CFAP47: variants seen among roughly 807,000 people sequenced by gnomAD.
CFAP47 encodes the protein cilia- and flagella-associated protein 47.
CFAP47 carries 29 observed loss-of-function variants against 148.1 expected under a neutral mutation model. The ratio of observed to expected loss-of-function variants is 0.20; its 90% confidence interval spans 0.15 to 0.27. CFAP47 has a LOEUF of 0.27. CFAP47 is among the 10% of genes least tolerant of loss of function. The pLI, the probability that CFAP47 is intolerant of heterozygous loss-of-function variation, is 1.00. For synonymous variants in CFAP47, 664 were observed against 577.3 expected (o/e 1.15, Z -2.15); for missense variants, 1,872 against 1,697.5 (o/e 1.10, Z -1.81).
chrX:36,286,364 G>T (rs1434761741), intron 51 of CFAP47, among the ~76,000 whole-genome samples: 6 of 108,763 alleles, frequency 5.5e-5, no homozygotes, highest in African/African-American at 1.3e-4. Flanking sequence ...TAAATATGTG[G>T]ATAGATTTCT....
intron 50 of CFAP47, 95 bp from the exon 51 acceptor site, chrX:36,285,534 G>A (rs942145463): frequency 4.7e-6 from 2 of 427,644 alleles, no homozygotes; most frequent in Middle Eastern, 4.9e-4. Context: ...TAAACAAAAA[G>A]GTTGAAAATG....
chrX:35,970,784 G>C lies in CFAP47; in HGVS notation c.1831G>C (p.Val611Leu). The change falls in exon 11 of 64, where the codon GTT (valine) becomes CTT (leucine). Residue 611 changes from valine (V) to leucine (L), a missense_variant. Transcript: ENST00000378653. The part of the protein sequence containing the change: ...HKHFRPIFTK[V>L]PRFNYVNHDF... ...ATATTGCAGGCCAATTTTCACAAAA[G>C]TTCCAAGATTTAACTATGTGAATCA... The C allele has an allele frequency of 8.5e-7, 1 of 1,170,350 alleles. No homozygotes were observed. Among genetic ancestry groups the C allele is most frequent in the African/African-American group, 1.8e-5 (1 of 55,586 alleles).
chrX:36,117,356 T>A (rs747749889), intron 33 of CFAP47, among the ~76,000 whole-genome samples: 1 of 111,925 alleles, frequency 8.9e-6, no homozygotes, highest in Non-Finnish European at 1.9e-5. Context: ...ATTGTACTAA[T>A]TTACGTTCCC....
At chrX:36,087,179 C>G (rs990129639) in intron 30 of CFAP47, among the ~76,000 whole-genome samples, 2 of 111,730 alleles carry the variant, frequency 1.8e-5, no homozygotes, top group Non-Finnish European at 3.8e-5. Context: ...TTTGAGGAAC[C>G]CTTCTATATA....
At chrX:36,275,219 G>A (rs1941001838) in intron 49 of CFAP47, among the ~76,000 whole-genome samples, 2 of 109,124 alleles carry the variant, frequency 1.8e-5, no homozygotes, top group Non-Finnish European at 1.9e-5. Flanking sequence ...GACTACAGGC[G>A]GGTGCCACCA....
At position 36,086,035 on chromosome X, in the gene CFAP47, A is replaced by G. The variant is rs58617024; in HGVS notation, c.4916+497A>G. 9.6e-3 allele frequency among the ~76,000 whole-genome samples: 1,073 copies of G among 111,853 alleles called. 8 individuals are homozygous for G. Among genetic ancestry groups the G allele is most frequent in the African/African-American group, 0.033 (1,014 of 30,819 alleles). ...ACCAACAAGCTTTATTTCTCAGACT[A>G]TTATTAGTATCATCTCAATTTATGG... On this transcript the variant is annotated intron_variant, in intron 30 of 63. Coordinates refer to ENST00000378653, the MANE Select transcript of CFAP47 (RefSeq NM_001304548.2).
chrX:36,337,983 C>G (rs1487528629), intron 57 of CFAP47, among the ~76,000 whole-genome samples: 3 of 102,756 alleles, frequency 2.9e-5, no homozygotes, highest in African/African-American at 1.1e-4. Context: ...CATTCTCCTG[C>G]CGCAGCCTCC....
intron 51 of CFAP47, among the ~76,000 whole-genome samples, chrX:36,294,738 A>C (rs1327809686): frequency 5.4e-5 from 6 of 111,243 alleles, no homozygotes; most frequent in Non-Finnish European, 7.5e-5. Flanking sequence ...TGAAAATAAA[A>C]AATAAATAAA....
At chrX:36,351,158 A>G (rs1257746333) in intron 59 of CFAP47, among the ~76,000 whole-genome samples, 1 of 111,913 alleles carries the variant, frequency 8.9e-6, no homozygotes, top group Non-Finnish European at 1.9e-5. Context: ...GATCAAGACT[A>G]CATGTTTCCT....
intron 40 of CFAP47, among the ~76,000 whole-genome samples, chrX:36,185,564 G>C (rs1168648353): frequency 8.9e-6 from 1 of 111,996 alleles, no homozygotes; most frequent in Non-Finnish European, 1.9e-5. Flanking sequence ...ATTGCACTTT[G>C]AAGAATAGCG....
rs139275834 is a variant in CFAP47, at chrX:36,087,811, G to C, written c.4916+2273G>C. 1.1e-3 allele frequency among the ~76,000 whole-genome samples: 128 copies of C among 112,088 alleles called. 3 individuals are homozygous for C. In the East Asian group the frequency reaches 0.027, roughly 24 times the overall value. ...AAATATAAAAAGTGGTAAAAGAAAG[G>C]GTGAAAAATTTGCATTTCAGGAAGG... On this transcript the variant is annotated intron_variant, in intron 30 of 63. Transcript: ENST00000378653.
At chrX:36,263,566 C>A (rs1019919374) in intron 49 of CFAP47, among the ~76,000 whole-genome samples, 15 of 112,080 alleles carry the variant, frequency 1.3e-4, no homozygotes, top group African/African-American at 4.9e-4. Context: ...GTGGCTAAAA[C>A]CACTGCAGGC....
chrX:36,315,824 C>T (rs4641222), intron 56 of CFAP47, among the ~76,000 whole-genome samples: 2,277 of 111,316 alleles, frequency 0.02, 32 homozygotes, highest in Non-Finnish European at 0.031. Flanking sequence ...GTAGTAACTT[C>T]CTTTATAATA....
At chrX:36,307,355 C>T (rs73460150) in intron 55 of CFAP47, among the ~76,000 whole-genome samples, 5,725 of 110,659 alleles carry the variant, frequency 0.052, 404 homozygotes, top group African/African-American at 0.18. Flanking sequence ...AAGAATTATC[C>T]CAATTCATTC....
intron 37 of CFAP47, among the ~76,000 whole-genome samples, chrX:36,155,174 T>C (rs1372978645): frequency 9.0e-6 from 1 of 111,002 alleles, no homozygotes; most frequent in Non-Finnish European, 1.9e-5. Flanking sequence ...TAAATTGAGG[T>C]ACCATATCTT....
chrX:35,992,283 G>A (rs759919492), intron 17 of CFAP47, among the ~76,000 whole-genome samples: 1 of 110,656 alleles, frequency 9.0e-6, no homozygotes, highest in East Asian at 2.8e-4. Context: ...TCTGTAATCA[G>A]GGCCATGATG....
chrX:36,310,859 T>C lies in CFAP47; in HGVS notation c.8214T>C (p.Ser2738=), dbSNP rs1556009798. The change falls in exon 56 of 64, where the codon TCT becomes TCC. Residue 2738 remains serine (S), a synonymous_variant. Transcript: ENST00000378653. ...TQFTEWKFYL[S]GVGLFPQPLD... Reference sequence around the variant, plus strand: ...TTACAGAATGGAAATTCTACTTATCTGGAGTAGGACTATTTCCCCAGCCTC... The same window carrying C: ...TTACAGAATGGAAATTCTACTTATCCGGAGTAGGACTATTTCCCCAGCCTC... 1 of 1,149,886 alleles carries C rather than the reference T, an allele frequency of 8.7e-7. No individual in the cohort carries two copies. Among genetic ancestry groups the C allele is most frequent in the East Asian group, 3.3e-5 (1 of 30,459 alleles). The allele number at this position is 1,149,886 out of a possible 1,213,427, so 94.8% of individuals were successfully genotyped here. A position where few individuals can be genotyped will look rare whatever the true frequency, so the allele number is the denominator to read the frequency against.
At chrX:36,002,279 C>T (rs138417631) in intron 21 of CFAP47, among the ~76,000 whole-genome samples, 1,177 of 111,122 alleles carry the variant, frequency 0.011, 15 homozygotes, top group African/African-American at 0.037. Context: ...ACAGAAGTGC[C>T]CAACGAGAGA....
chrX:36,010,755 C>G (rs1267818999), intron 21 of CFAP47, among the ~76,000 whole-genome samples: 2 of 111,686 alleles, frequency 1.8e-5, no homozygotes, highest in African/African-American at 6.5e-5. Context: ...TTTAAACAAC[C>G]AACTTTTTGT....
Sources: gnomAD v4.1 joint callset for allele counts (sites outside exome capture counted in the v4.1 genomes callset) on GRCh38, gnomAD v4.1.1 for gene constraint, MANE v1.5 for transcripts, NCBI Gene and HGNC (gene_info 2026-07-23, HGNC 2026-07-21) for gene names.